Variants in NRN1 observed in about 807,000 individuals in gnomAD.
NRN1 encodes neuritin 1, also known as neuritin.
Under a neutral mutation model 15.0 loss-of-function variants are expected in NRN1, and 4 were observed. That is an observed-to-expected ratio of 0.27 (90% confidence interval 0.13 to 0.61). The LOEUF (loss-of-function observed/expected upper bound fraction) is 0.61. Ranked by LOEUF, NRN1 falls within the 20% of genes least tolerant of loss-of-function variation. The pLI, the probability that NRN1 is intolerant of heterozygous loss-of-function variation, is 0.87. For missense variants in NRN1, 134 were observed against 181.9 expected, an observed-to-expected ratio of 0.74 and a Z score of 1.51; for synonymous variants, 85 against 79.8, an observed-to-expected ratio of 1.07 and a Z score of -0.35.
chr6:6,002,300 A>C (rs1443083865), intron 2 of NRN1, 53 bp downstream of exon 2: 7 of 1,596,638 alleles, frequency 4.4e-6, no homozygotes, highest in African/African-American at 2.7e-5. Flanking sequence ...GCACTCTCCG[A>C]CCTCAGTAGC....
At chr6:6,004,250 T>C (rs1353870172) in intron 1 of NRN1, among the ~76,000 whole-genome samples, 1 of 152,174 alleles carries the variant, frequency 6.6e-6, no homozygotes, top group Non-Finnish European at 1.5e-5. Flanking sequence ...TACTAACAAA[T>C]CGAACACTGA....
chr6:6,002,558 C>G, intron 1 of NRN1, 61 bp from the exon 2 acceptor site: 1 of 1,578,076 alleles, frequency 6.3e-7, no homozygotes, highest in Non-Finnish European at 8.6e-7. Flanking sequence ...GCCCACTGCC[C>G]TTTCCTGCGA....
intron 1 of NRN1, 99 bp from the exon 2 acceptor site, chr6:6,002,596 A>T: frequency 2.0e-6 from 3 of 1,490,434 alleles, no homozygotes; most frequent in Non-Finnish European, 2.7e-6. Context: ...GCCTCATCGC[A>T]TCGGGCGGCC....
intron 1 of NRN1, among the ~76,000 whole-genome samples, chr6:6,005,455 T>C (rs966610430): frequency 2.0e-5 from 3 of 152,240 alleles, no homozygotes; most frequent in African/African-American, 7.2e-5. Context: ...TGTTTCTGCA[T>C]TATAAAATCT....
In NRN1 at chr6:6,006,601, G is replaced by A. The variant is rs148872385; in HGVS notation, c.55+94C>T. 2,006 of 1,198,372 alleles carry A rather than the reference G, an allele frequency of 1.7e-3. 27 individuals carry two copies. The African/African-American group carries it at 0.026, about 16-fold the overall frequency. The allele number at this position is 1,198,372 out of a possible 1,614,324, so 74.2% of individuals were successfully genotyped here. A position where few individuals can be genotyped will look rare whatever the true frequency, so the allele number is the denominator to read the frequency against. On this transcript the variant is annotated intron_variant, in intron 1 of 2. Transcript: ENST00000244766. ...GATTGCCGGCTTCTCCGCACCCTGGGGCGGCCGCGGACCCGCTAGTCCCCC... is the reference window on the plus strand; with the variant it reads ...GATTGCCGGCTTCTCCGCACCCTGGAGCGGCCGCGGACCCGCTAGTCCCCC...
intron 1 of NRN1, among the ~76,000 whole-genome samples, chr6:6,004,806 G>T (rs1758064655): frequency 1.3e-5 from 2 of 151,958 alleles, no homozygotes; most frequent in African/African-American, 4.8e-5. Flanking sequence ...CCTCTCTGCC[G>T]TCCCCTTCTT....
At position 6,002,603 on chromosome 6, in the gene NRN1, G is replaced by A. The variant is rs1703441727; in HGVS notation, c.56-106C>T. 7 of 1,462,536 alleles carry A rather than the reference G, an allele frequency of 4.8e-6. No individual in the cohort carries two copies. In the East Asian group the frequency reaches 1.2e-4, roughly 25 times the overall value. 90.6% of individuals were successfully genotyped at this position (1,462,536 alleles called of 1,614,324 possible). ...TCCGCGCGGCCTCATCGCATCGGGC[G>A]GCCTCTCCCAGCGCCCAGCCTCGGG... is the stretch of plus-strand genomic sequence containing the variant. On this transcript the variant is annotated intron_variant, in intron 1 of 2. Transcript: ENST00000244766.
chr6:6,004,043 TAGC>T (rs1758041447), intron 1 of NRN1: 1 of 1,169,404 alleles, frequency 8.6e-7, no homozygotes. Context: ...ACCGAACCCG[TAGC>T]AGCTTCCGAG....
intron 2 of NRN1, among the ~76,000 whole-genome samples, chr6:6,001,550 A>G (rs941965898): frequency 1.3e-5 from 2 of 152,152 alleles, no homozygotes; most frequent in Non-Finnish European, 2.9e-5. Context: ...GCTATGAACT[A>G]CTACCCATCT....
At position 6,004,007 on chromosome 6, in the gene NRN1, C is replaced by G. The variant is rs1758040337; in HGVS notation, c.56-1510G>C. ...AACGCGGGCGCCTGTCCGCGAGCGCCGGGCCAGACGCCGAAGAGGAAGGTG... is the reference window on the plus strand; with the variant it reads ...AACGCGGGCGCCTGTCCGCGAGCGCGGGGCCAGACGCCGAAGAGGAAGGTG... On this transcript the variant is annotated intron_variant, in intron 1 of 2. Coordinates refer to ENST00000244766, the MANE Select transcript of NRN1 (RefSeq NM_016588.3). 7 of 1,206,126 alleles carry G rather than the reference C, an allele frequency of 5.8e-6. No individual in the cohort carries two copies. The South Asian group carries it at 2.6e-4, about 44-fold the overall frequency. The allele number at this position is 1,206,126 out of a possible 1,614,324, so 74.7% of individuals were successfully genotyped here.
Position 5,998,999 on chromosome 6 carries a change from A to C in NRN1, c.406T>G (p.Leu136Val). Residue 136 changes from leucine to valine, a missense_variant, in exon 3 of 3, where the codon TTA (leucine) becomes GTA (valine). By Grantham distance (32) the Leu-to-Val change is conservative. Transcript: ENST00000244766. ...PVLLVSLSAA[L>V]ATWLSF Reference sequence around the variant, plus strand: ...GCTCAGAAGGAAAGCCAGGTCGCTAAAGCTGCCGAGAGAGACACCAGGAGC... The same window carrying C: ...GCTCAGAAGGAAAGCCAGGTCGCTACAGCTGCCGAGAGAGACACCAGGAGC... 6.2e-7 allele frequency: 1 copy of C among 1,612,634 alleles called. No individual in the cohort carries two copies. The highest frequency in any genetic ancestry group is 8.5e-7 in the Non-Finnish European group (1 of 1,179,512).
chr6:5,998,865 T>G lies in NRN1; in HGVS notation c.*111A>C. 2 of 709,048 alleles carry G rather than the reference T, an allele frequency of 2.8e-6. No individual in the cohort carries two copies. Among genetic ancestry groups the G allele is most frequent in the Non-Finnish European group, 4.7e-6 (2 of 423,484 alleles). 43.9% of individuals were successfully genotyped at this position (709,048 alleles called of 1,614,324 possible). Reference sequence around the variant, plus strand: ...TTCCCACAATCCTATATGAGTGTTTTCAGCATCACAGAGAATCACAACGTC... The same window carrying G: ...TTCCCACAATCCTATATGAGTGTTTGCAGCATCACAGAGAATCACAACGTC... On this transcript the variant is annotated 3_prime_UTR_variant, in exon 3 of 3. Transcript: ENST00000244766.
chr6:6,006,934 A>C, upstream of NRN1: 1 of 232,816 alleles, frequency 4.3e-6, no homozygotes, highest in Non-Finnish European at 8.0e-6. Context: ...AGAGAGAGAG[A>C]GAGAAAGAGA....
upstream of NRN1, among the ~76,000 whole-genome samples, chr6:6,007,231 CG>C (rs1430298240): frequency 6.6e-6 from 1 of 152,018 alleles, no homozygotes; most frequent in Non-Finnish European, 1.5e-5. Context: ...TTCCTCGTTC[CG>C]GGGGCCCCCC....
chr6:6,004,057 AGC>A (rs1281960431), intron 1 of NRN1: 3 of 1,148,398 alleles, frequency 2.6e-6, no homozygotes, highest in East Asian at 8.4e-5. Context: ...AGCTTCCGAG[AGC>A]GTACCCGTTT....
At chr6:6,000,750 T>A (rs1432212408) in intron 2 of NRN1, among the ~76,000 whole-genome samples, 1 of 128,956 alleles carries the variant, frequency 7.8e-6, no homozygotes, top group Non-Finnish European at 1.6e-5. Context: ...TTTTTTTTTA[T>A]GTACGCCCAG....
intron 2 of NRN1, among the ~76,000 whole-genome samples, chr6:6,001,214 T>C (rs1165380183): frequency 6.6e-6 from 1 of 152,206 alleles, no homozygotes. Context: ...ACACCCGTCC[T>C]TCCACCAGTC....
chr6:6,002,936 A>T, intron 1 of NRN1: 1 of 399,192 alleles, frequency 2.5e-6, no homozygotes, highest in South Asian at 9.0e-5. Context: ...TTTTGAGGTG[A>T]CAGAAGGGGT....
At chr6:6,006,962 A>G (rs1262099839), upstream of NRN1, 681 of 151,790 alleles carry the variant, frequency 4.5e-3, 6 homozygotes, top group African/African-American at 0.013. Context: ...AGAGAGGCTG[A>G]GGGGGGGGGG....
Sources: allele counts gnomAD v4.1 joint callset (sites outside exome capture counted in the v4.1 genomes callset), GRCh38; gene constraint gnomAD v4.1.1; transcripts MANE v1.5; gene names NCBI Gene and HGNC (gene_info 2026-07-23, HGNC 2026-07-21).